BLTP1: variants seen among roughly 807,000 people sequenced by gnomAD.
The protein encoded by BLTP1 is fragile site-associated protein.
chr4:122,185,963 A>T, the BLTP1 span: 1 of 1,219,074 alleles, frequency 8.2e-7, no homozygotes, highest in Non-Finnish European at 1.1e-6. Context: ...TTGGGTGTAT[A>T]AAAATGTTTG....
At chr4:122,170,842 A>G in the BLTP1 span, 12 of 651,850 alleles carry the variant, frequency 1.8e-5, no homozygotes, top group South Asian at 2.6e-4. Flanking sequence ...GAACACTAAC[A>G]CTACCATTTA....
the BLTP1 span, chr4:122,325,895 G>A: frequency 8.5e-7 from 1 of 1,170,990 alleles, no homozygotes; most frequent in Non-Finnish European, 1.1e-6. Flanking sequence ...CAATCCAGCT[G>A]TCCTGGGGAA....
the BLTP1 span, chr4:122,269,727 T>C: frequency 6.1e-6 from 6 of 976,812 alleles, no homozygotes; most frequent in Non-Finnish European, 7.3e-6. Flanking sequence ...CCTACTACTT[T>C]GTAAAGCCAG....
chr4:122,180,022 ATG>A, the BLTP1 span: 5 of 934,604 alleles, frequency 5.3e-6, no homozygotes, highest in African/African-American at 1.2e-4. Context: ...ATACACGTGC[ATG>A]TACACACACA....
the BLTP1 span, among the ~76,000 whole-genome samples, chr4:122,354,599 G>A: frequency 6.6e-6 from 1 of 150,864 alleles, no homozygotes; most frequent in Non-Finnish European, 1.5e-5. Context: ...TCTGTGTATT[G>A]GAAAGCTGAC....
the BLTP1 span, chr4:122,249,954 A>T: frequency 1.0e-6 from 1 of 979,556 alleles, no homozygotes; most frequent in Non-Finnish European, 1.2e-6. Flanking sequence ...AAAGCCACCC[A>T]ATTTTTTGAA....
the BLTP1 span, chr4:122,220,301 C>T: frequency 1.9e-6 from 3 of 1,602,382 alleles, no homozygotes; most frequent in South Asian, 2.3e-5. Context: ...GCCTTTTCTG[C>T]ATTTCAACTG....
At chr4:122,261,031 A>T in the BLTP1 span, among the ~76,000 whole-genome samples, 1 of 152,198 alleles carries the variant, frequency 6.6e-6, no homozygotes, top group Non-Finnish European at 1.5e-5. Flanking sequence ...AAAGATAGAT[A>T]AGAAACAGTT....
the BLTP1 span, chr4:122,174,546 A>G: frequency 6.2e-7 from 1 of 1,603,098 alleles, no homozygotes; most frequent in Non-Finnish European, 8.5e-7. Context: ...CAGTTACATT[A>G]ACTGCTGTTT....
chr4:122,292,234 C>G, the BLTP1 span: 1 of 514,748 alleles, frequency 1.9e-6, no homozygotes, highest in Non-Finnish European at 2.5e-6. Flanking sequence ...TTCCAAAGTG[C>G]TGGGATTACA....
the BLTP1 span, among the ~76,000 whole-genome samples, chr4:122,338,233 G>T: frequency 6.6e-6 from 1 of 151,738 alleles, no homozygotes; most frequent in Admixed American, 6.6e-5. Context: ...TAGATCACTT[G>T]AGCCTGGTAG....
chr4:122,264,671 G>A, the BLTP1 span, among the ~76,000 whole-genome samples: 1 of 152,206 alleles, frequency 6.6e-6, no homozygotes, highest in Non-Finnish European at 1.5e-5. Flanking sequence ...TTTGTTATTC[G>A]TAACAAATTG....
At chr4:122,256,990 C>A in the BLTP1 span, among the ~76,000 whole-genome samples, 1 of 152,016 alleles carries the variant, frequency 6.6e-6, no homozygotes, top group African/African-American at 2.4e-5. Context: ...CACTCCACAT[C>A]TAGTATCATA....
At chr4:122,276,013 A>T in the BLTP1 span, 1 of 1,586,002 alleles carries the variant, frequency 6.3e-7, no homozygotes, top group South Asian at 1.2e-5. Context: ...ACAGCCAAAC[A>T]AGAGTTTCTG....
the BLTP1 span, chr4:122,244,829 GT>G: frequency 2.5e-6 from 1 of 400,980 alleles, no homozygotes; most frequent in African/African-American, 2.2e-5. Context: ...GGTGAAGGTG[GT>G]GATGTGGGGA....
chr4:122,222,133 A>T, the BLTP1 span, among the ~76,000 whole-genome samples: 13 of 152,264 alleles, frequency 8.5e-5, no homozygotes, highest in East Asian at 1.7e-3. Flanking sequence ...CCCGAAGACA[A>T]AGGTACCATA....
chr4:122,262,794 A>T, the BLTP1 span: 6 of 1,611,998 alleles, frequency 3.7e-6, no homozygotes, highest in African/African-American at 8.0e-5. Context: ...TCTGAGCTAT[A>T]CCAGTGGAGA....
At chr4:122,279,902 A>G in the BLTP1 span, 1 of 1,614,156 alleles carries the variant, frequency 6.2e-7, no homozygotes, top group Non-Finnish European at 8.5e-7. Context: ...GCACCCTGCC[A>G]CCTTACATAG....
the BLTP1 span, among the ~76,000 whole-genome samples, chr4:122,181,580 T>C: frequency 3.0e-4 from 46 of 152,002 alleles, no homozygotes; most frequent in Non-Finnish European, 7.4e-5. Context: ...TCTGTTTTTA[T>C]ATTATATATA....
Sources: gnomAD v4.1 joint callset for allele counts (sites outside exome capture counted in the v4.1 genomes callset) on GRCh38, gnomAD v4.1.1 for gene constraint, MANE v1.5 for transcripts, NCBI Gene and HGNC (gene_info 2026-07-23, HGNC 2026-07-21) for gene names.